The following OSBPL6 variants were observed in gnomAD, a reference collection of about 807,000 sequenced individuals.
OSBPL6 encodes the protein oxysterol binding protein like 6, also known as oxysterol-binding protein-related protein 6.
In OSBPL6, 49 loss-of-function variants were observed where a neutral mutation model predicts 125.8. That is an observed-to-expected ratio of 0.39 (90% CI 0.31 to 0.49). OSBPL6 has a LOEUF of 0.49. OSBPL6 is among the 20% of genes least tolerant of loss of function. The probability of loss-of-function intolerance (pLI) is 0.88; values close to 1 mark genes in which losing one functional copy is unlikely to be tolerated. For synonymous variants in OSBPL6, 394 were observed against 391.8 expected, an observed-to-expected ratio of 1.01 and a Z score of -0.07; for missense variants, 986 against 1,135.4, an observed-to-expected ratio of 0.87 and a Z score of 1.89.
intron 3 of OSBPL6, among the ~76,000 whole-genome samples, chr2:178,311,530 C>T (rs1198051149): frequency 6.6e-6 from 1 of 152,184 alleles, no homozygotes; most frequent in Non-Finnish European, 1.5e-5. Flanking sequence ...TTTTATTTCA[C>T]TCAATAATGT....
chr2:178,382,625 G>A, intron 16 of OSBPL6, 118 bp downstream of exon 16: 1 of 1,356,202 alleles, frequency 7.4e-7, no homozygotes, highest in Non-Finnish European at 1.0e-6. Flanking sequence ...TTGTTCTTTT[G>A]GCAGCTGATT....
intron 1 of OSBPL6, among the ~76,000 whole-genome samples, chr2:178,217,884 A>G (rs902722350): frequency 6.6e-6 from 1 of 152,206 alleles, no homozygotes; most frequent in South Asian, 2.1e-4. Flanking sequence ...CATTGTTAGA[A>G]AGGAAAATAA....
intron 1 of OSBPL6, among the ~76,000 whole-genome samples, chr2:178,250,599 C>A (rs1323064157): frequency 1.3e-5 from 2 of 152,180 alleles, no homozygotes; most frequent in Non-Finnish European, 2.9e-5. Flanking sequence ...GACAAGGCCC[C>A]ACTTCCCTTC....
intron 12 of OSBPL6, among the ~76,000 whole-genome samples, chr2:178,355,232 A>C (rs542548318): frequency 6.6e-6 from 1 of 152,326 alleles, no homozygotes; most frequent in South Asian, 2.1e-4. Flanking sequence ...GAAATAACTA[A>C]GAGCAGTGCA....
At chr2:178,248,789 C>T (rs1379562176) in intron 1 of OSBPL6, among the ~76,000 whole-genome samples, 1 of 151,952 alleles carries the variant, frequency 6.6e-6, no homozygotes, top group Non-Finnish European at 1.5e-5. Context: ...AGTAACATGA[C>T]TCAATGCTGC....
intron 2 of OSBPL6, among the ~76,000 whole-genome samples, chr2:178,304,762 G>A (rs1686610364): frequency 6.6e-6 from 1 of 152,096 alleles, no homozygotes; most frequent in Non-Finnish European, 1.5e-5. Context: ...GTCCTGCAGG[G>A]ACTGGTCTCT....
At position 178,276,585 on chromosome 2, in the gene OSBPL6, C is replaced by G. The variant is rs375285860; in HGVS notation, c.-350-8342C>G. Among the ~76,000 whole-genome samples the G allele has an allele frequency of 2.6e-5, 4 of 151,968 alleles. No individual in the cohort carries two copies. The East Asian group carries it at 7.7e-4, about 29-fold the overall frequency. On this transcript the variant is annotated intron_variant, in intron 1 of 24. Transcript: ENST00000190611. Reference sequence around the variant, plus strand: ...ACAAGGTTTCACCATGTTGCCCAGGCTGGTCTCGAACTCCTGACCTCAAGT... The same window carrying G: ...ACAAGGTTTCACCATGTTGCCCAGGGTGGTCTCGAACTCCTGACCTCAAGT...
Position 178,389,076 on chromosome 2 carries a change from T to C in OSBPL6, c.2224T>C (p.Trp742Arg). Residue 742 changes from tryptophan (W) to arginine (R), a missense_variant, in exon 21 of 25, where the codon TGG (tryptophan) becomes CGG (arginine). Trp to Arg is a moderately radical substitution (Grantham distance 101, BLOSUM62 -3). Transcript: ENST00000190611. Reference protein sequence around the residue: ...CIHNILSGRRWIEHYGEVTIR... With the variant: ...CIHNILSGRRRIEHYGEVTIR... The stretch of plus-strand genomic sequence containing the variant: ...ACACAACATCCTCAGTGGGAGAAGA[T>C]GGATAGAACATTATGGAGAAGTAAC... 6.2e-7 allele frequency: 1 copy of C among 1,614,046 alleles called. No homozygotes were observed. The highest frequency in any genetic ancestry group is 8.5e-7 in the Non-Finnish European group (1 of 1,179,956).
At chr2:178,331,840 C>T (rs772551825) in intron 6 of OSBPL6, among the ~76,000 whole-genome samples, 5 of 152,132 alleles carry the variant, frequency 3.3e-5, no homozygotes, top group African/African-American at 1.2e-4. Flanking sequence ...TTAAAAGTGA[C>T]GCATGAGTAA....
chr2:178,231,389 G>C (rs776352573), intron 1 of OSBPL6, among the ~76,000 whole-genome samples: 1 of 152,110 alleles, frequency 6.6e-6, no homozygotes, highest in Non-Finnish European at 1.5e-5. Context: ...CTAGTCCCAG[G>C]TAGTATATTA....
chr2:178,196,479 A>G (rs1353559899), intron 1 of OSBPL6, among the ~76,000 whole-genome samples: 2 of 152,188 alleles, frequency 1.3e-5, no homozygotes, highest in African/African-American at 2.4e-5. Context: ...TCAGATTACT[A>G]TGACTTGTCA....
intron 1 of OSBPL6, among the ~76,000 whole-genome samples, chr2:178,220,441 T>C (rs985162520): frequency 6.6e-6 from 1 of 152,048 alleles, no homozygotes; most frequent in African/African-American, 2.4e-5. Context: ...GGACTTCAGA[T>C]GCACACCACC....
chr2:178,261,974 C>T (rs757411619), intron 1 of OSBPL6, among the ~76,000 whole-genome samples: 1 of 152,082 alleles, frequency 6.6e-6, no homozygotes, highest in Non-Finnish European at 1.5e-5. Flanking sequence ...CCATTTTTGT[C>T]AGATTTCTCC....
intron 1 of OSBPL6, among the ~76,000 whole-genome samples, chr2:178,228,024 A>G (rs983473948): frequency 3.3e-5 from 5 of 152,190 alleles, no homozygotes; most frequent in Non-Finnish European, 7.3e-5. Context: ...GAGGTAGAAT[A>G]AAAGAAGAAA....
At chr2:178,339,256 G>T (rs574056957) in intron 10 of OSBPL6, among the ~76,000 whole-genome samples, 162 bp downstream of exon 10, 5 of 138,042 alleles carry the variant, frequency 3.6e-5, no homozygotes, top group African/African-American at 1.4e-4. Context: ...GAATCTCAGT[G>T]TCAGTGTGTT....
chr2:178,274,885 T>A (rs2092439376), intron 1 of OSBPL6, among the ~76,000 whole-genome samples: 1 of 152,138 alleles, frequency 6.6e-6, no homozygotes, highest in African/African-American at 2.4e-5. Flanking sequence ...AAAATTGTCC[T>A]CTAGGACCAT....
At chr2:178,296,282 C>T (rs1685743676) in intron 2 of OSBPL6, among the ~76,000 whole-genome samples, 1 of 152,198 alleles carries the variant, frequency 6.6e-6, no homozygotes, top group Non-Finnish European at 1.5e-5. Context: ...ATGATTAGCA[C>T]TGCCATTTCC....
At chr2:178,221,262 TAAAG>T (rs1296740538) in intron 1 of OSBPL6, among the ~76,000 whole-genome samples, 4 of 152,136 alleles carry the variant, frequency 2.6e-5, no homozygotes, top group Non-Finnish European at 5.9e-5. Context: ...TGAATAAAAA[TAAAG>T]AATTTGAGAG....
chr2:178,394,183 G>GCA (rs1695654924), intron 23 of OSBPL6, 130 bp from the exon 24 acceptor site: 3 of 1,196,952 alleles, frequency 2.5e-6, no homozygotes, highest in Non-Finnish European at 3.6e-6. Context: ...TGGCGACAGA[G>GCA]CAAGACTCCG....
Sources: allele counts gnomAD v4.1 joint callset (sites outside exome capture counted in the v4.1 genomes callset), GRCh38; gene constraint gnomAD v4.1.1; transcripts MANE v1.5; gene names NCBI Gene and HGNC (gene_info 2026-07-23, HGNC 2026-07-21).